The following AAK1 variants were observed in gnomAD, a reference collection of about 807,000 sequenced individuals.
AAK1 encodes the protein AP2 associated kinase 1.
A neutral mutation model predicts 116.0 loss-of-function variants in AAK1; 37 were observed. The ratio of observed to expected loss-of-function variants is 0.32; its 90% CI spans 0.25 to 0.42. The LOEUF (loss-of-function observed/expected upper bound fraction) is 0.42, where lower values mean the gene tolerates loss of function less well. Ranked by LOEUF, AAK1 falls within the 10% of genes least tolerant of loss-of-function variation. The pLI, the probability that AAK1 is intolerant of heterozygous loss-of-function variation, is 1.00. For missense variants in AAK1, 919 were observed against 1,170.6 expected (o/e 0.79, Z 3.14); for synonymous variants, 458 against 439.9 (o/e 1.04, Z -0.51).
intron 2 of AAK1, among the ~76,000 whole-genome samples, chr2:69,594,571 G>T (rs1395587208): frequency 6.6e-6 from 1 of 152,224 alleles, no homozygotes; most frequent in Non-Finnish European, 1.5e-5. Flanking sequence ...TGTGGCTACT[G>T]AAGAAATAGA....
Position 69,468,961 on chromosome 2 carries a change from T to C in AAK1, c.*6908A>G. The C allele has an allele frequency of 1.0e-6, 1 of 985,354 alleles. No individual in the cohort carries two copies. Among genetic ancestry groups the C allele is most frequent in the Non-Finnish European group, 1.2e-6 (1 of 829,912 alleles). The allele number at this position is 985,354 out of a possible 1,614,324, so 61.0% of individuals were successfully genotyped here. A position where few individuals can be genotyped will look rare whatever the true frequency, so the allele number is the denominator to read the frequency against. On this transcript the variant is annotated 3_prime_UTR_variant, in exon 22 of 22. Coordinates refer to ENST00000409085, the MANE Select transcript of AAK1 (RefSeq NM_014911.5). ...AATCAGACTTAAAATTCCAACAACT[T>C]TGAATAATTTACAAAAACAGTCACA...
At chr2:69,603,702 G>A (rs1673678207) in intron 2 of AAK1, among the ~76,000 whole-genome samples, 1 of 152,016 alleles carries the variant, frequency 6.6e-6, no homozygotes, top group Admixed American at 6.5e-5. Context: ...TAAAAGATGG[G>A]GAAATTAGAG....
In AAK1 at chr2:69,474,152, G is replaced by A; in HGVS notation, c.*1717C>T. On this transcript the variant is annotated 3_prime_UTR_variant, in exon 22 of 22. Transcript: ENST00000409085. ...AGGGTCAAACCTTGCCCTCCAGAATGCAGTGTTTTATAGGCTGTTGTTGCT... is the reference window on the plus strand; with the variant it reads ...AGGGTCAAACCTTGCCCTCCAGAATACAGTGTTTTATAGGCTGTTGTTGCT... The A allele has an allele frequency of 2.0e-6, 2 of 985,854 alleles. No homozygotes were observed. The highest frequency in any genetic ancestry group is 2.4e-6 in the Non-Finnish European group (2 of 829,934). The allele number at this position is 985,854 out of a possible 1,614,324, so 61.1% of individuals were successfully genotyped here. A position where few individuals can be genotyped will look rare whatever the true frequency, so the allele number is the denominator to read the frequency against.
intron 11 of AAK1, among the ~76,000 whole-genome samples, chr2:69,519,786 G>C (rs1300914357): frequency 3.9e-5 from 6 of 152,132 alleles, no homozygotes; most frequent in Admixed American, 1.3e-4. Flanking sequence ...AAAACATGAG[G>C]GGGTGTTAGA....
At chr2:69,620,116 A>G (rs1160409729) in intron 2 of AAK1, among the ~76,000 whole-genome samples, 2 of 152,202 alleles carry the variant, frequency 1.3e-5, no homozygotes, top group East Asian at 1.9e-4. Context: ...ATCCAGGCCA[A>G]TGACAGGCTG....
At chr2:69,506,328 C>T (rs1365078767) in intron 15 of AAK1, among the ~76,000 whole-genome samples, 3 of 152,124 alleles carry the variant, frequency 2.0e-5, no homozygotes, top group African/African-American at 7.2e-5. Context: ...AAGTTAAGTA[C>T]TATGCCCTAT....
chr2:69,471,849 T>G lies in AAK1; in HGVS notation c.*4020A>C. 1 of 985,424 alleles carries G rather than the reference T, an allele frequency of 1.0e-6. No individual in the cohort carries two copies. Among genetic ancestry groups the G allele is most frequent in the South Asian group, 4.7e-5 (1 of 21,290 alleles). 61.0% of individuals were successfully genotyped at this position (985,424 alleles called of 1,614,324 possible). ...GGGGAAGGTTATATTGGTTGATCAA[T>G]TATCTGTCAGGAGAGTAGGAAATAA... On this transcript the variant is annotated 3_prime_UTR_variant, in exon 22 of 22. Coordinates refer to ENST00000409085, the MANE Select transcript of AAK1 (RefSeq NM_014911.5).
chr2:69,512,036 G>A (rs910265820), intron 13 of AAK1, among the ~76,000 whole-genome samples: 2 of 152,130 alleles, frequency 1.3e-5, no homozygotes, highest in Non-Finnish European at 2.9e-5. Flanking sequence ...CTCATTCAAG[G>A]TCACAGGGTT....
In AAK1 at chr2:69,465,704, T is replaced by C; in HGVS notation, c.*10165A>G. 2.3e-6 allele frequency: 3 copies of C among 1,290,912 alleles called. No homozygotes were observed. The highest frequency in any genetic ancestry group is 2.0e-6 in the Non-Finnish European group (2 of 988,884). 80.0% of individuals were successfully genotyped at this position (1,290,912 alleles called of 1,614,324 possible). A position where few individuals can be genotyped will look rare whatever the true frequency, so the allele number is the denominator to read the frequency against. On this transcript the variant is annotated 3_prime_UTR_variant, in exon 22 of 22. Coordinates refer to ENST00000409085, the MANE Select transcript of AAK1 (RefSeq NM_014911.5). ...CAGCTTCTTTCTGGAGCTGAGGTCC[T>C]TTGTTTCTGTCATTAGAATGACCCC...
rs924018226 is a variant in AAK1 at position 69,475,358 on chromosome 2, G to A, written c.*511C>T. The stretch of plus-strand genomic sequence containing the variant: ...TCTTAAACCACACACCCATCTCCAG[G>A]CTACTGCCTAGAGTTAAGACCAACT... On this transcript the variant is annotated 3_prime_UTR_variant, in exon 22 of 22. Transcript: ENST00000409085. 2.3e-5 allele frequency: 23 copies of A among 986,876 alleles called. No individual in the cohort carries two copies. The highest frequency in any genetic ancestry group is 2.8e-5 in the Non-Finnish European group (23 of 830,864). 61.1% of individuals were successfully genotyped at this position (986,876 alleles called of 1,614,324 possible).
chr2:69,520,590 G>A (rs981778735), intron 11 of AAK1, among the ~76,000 whole-genome samples: 3 of 151,734 alleles, frequency 2.0e-5, no homozygotes, highest in Non-Finnish European at 2.9e-5. Context: ...TCTCGAAATC[G>A]AACTGACCTC....
intron 2 of AAK1, among the ~76,000 whole-genome samples, chr2:69,619,368 T>C (rs1476178912): frequency 1.3e-5 from 2 of 152,148 alleles, no homozygotes; most frequent in African/African-American, 2.4e-5. Context: ...TACAAACTTA[T>C]CTATATCCAT....
In AAK1 at chr2:69,467,649, G is replaced by C. The variant is rs1338645663; in HGVS notation, c.*8220C>G. ...CCATAGATGACCCAGAACCTCTGTA[G>C]AGATGGAACTCAATGATCCCCTTCC... On this transcript the variant is annotated 3_prime_UTR_variant, in exon 22 of 22. Coordinates refer to ENST00000409085, the MANE Select transcript of AAK1 (RefSeq NM_014911.5). 3.0e-6 allele frequency: 3 copies of C among 985,400 alleles called. No individual in the cohort carries two copies. Among genetic ancestry groups the C allele is most frequent in the Non-Finnish European group, 3.6e-6 (3 of 829,916 alleles). The allele number at this position is 985,400 out of a possible 1,614,324, so 61.0% of individuals were successfully genotyped here.
intron 3 of AAK1, among the ~76,000 whole-genome samples, chr2:69,549,969 T>G (rs1671107624): frequency 6.6e-6 from 1 of 152,236 alleles, no homozygotes; most frequent in Non-Finnish European, 1.5e-5. Context: ...AGTTATTTGT[T>G]AAATGTAAAA....
rs1303787929 is a variant in AAK1, at chr2:69,507,498, T to C, written c.2087A>G (p.Asn696Ser). The C allele has an allele frequency of 6.2e-7, 1 of 1,612,678 alleles. No homozygotes were observed. Among genetic ancestry groups the C allele is most frequent in the African/African-American group, 1.3e-5 (1 of 74,896 alleles). ...VYNPSEGSTW[N>S]PFDDDNFSKL... ...GGAGAAATTATCGTCATCAAAGGGATTCCACGTAGACCCTTCTGAAGGATT... is the reference window on the plus strand; with the variant it reads ...GGAGAAATTATCGTCATCAAAGGGACTCCACGTAGACCCTTCTGAAGGATT... Residue 696 changes from asparagine (N) to serine (S), a missense_variant, in exon 15 of 22, where the codon AAT (asparagine) becomes AGT (serine). By Grantham distance (46) the Asn-to-Ser change is conservative. This residue lies in a region of AAK1 where 125 missense variants were observed against 184.1 expected (regional missense o/e 0.68). Transcript: ENST00000409085.
Position 69,643,117 on chromosome 2 carries a change from G to C in AAK1, c.-77C>G. 1 of 1,237,848 alleles carries C rather than the reference G, an allele frequency of 8.1e-7. No homozygotes were observed. Among genetic ancestry groups the C allele is most frequent in the Non-Finnish European group, 1.1e-6 (1 of 945,952 alleles). 76.7% of individuals were successfully genotyped at this position (1,237,848 alleles called of 1,614,324 possible). A position where few individuals can be genotyped will look rare whatever the true frequency, so the allele number is the denominator to read the frequency against. ...TTTTTTTTTTTTTTTTTTAAGAAAA[G>C]AGATCCAAGGATTTCTTCTCAGATT... On this transcript the variant is annotated 5_prime_UTR_variant, in exon 2 of 22. Coordinates refer to ENST00000409085, the MANE Select transcript of AAK1 (RefSeq NM_014911.5).
chr2:69,517,449 C>T lies in AAK1; in HGVS notation c.1497+1505G>A, dbSNP rs537491673. Among the ~76,000 whole-genome samples, 23 of 152,052 alleles carry T rather than the reference C, an allele frequency of 1.5e-4. No homozygotes were observed. The South Asian group carries it at 3.5e-3, about 23-fold the overall frequency. ...TCAGACAGACAACACCTCAATACAC[C>T]GATTGATCTTTTTTTCTTCCTTTTT... is the stretch of plus-strand genomic sequence containing the variant. On this transcript the variant is annotated intron_variant, in intron 12 of 21. Coordinates refer to ENST00000409085, the MANE Select transcript of AAK1 (RefSeq NM_014911.5).
intron 2 of AAK1, among the ~76,000 whole-genome samples, chr2:69,631,887 G>A (rs887003988): frequency 2.0e-5 from 3 of 152,156 alleles, no homozygotes; most frequent in African/African-American, 4.8e-5. Flanking sequence ...GGCTGAGGTG[G>A]AAGGATCGCT....
chr2:69,620,041 T>C (rs1674526407), intron 2 of AAK1, among the ~76,000 whole-genome samples: 1 of 152,192 alleles, frequency 6.6e-6, no homozygotes, highest in Non-Finnish European at 1.5e-5. Flanking sequence ...CTCTGGCTAC[T>C]GTGCTGAGTA....
Sources: gnomAD v4.1 joint callset for allele counts (sites outside exome capture counted in the v4.1 genomes callset) on GRCh38, gnomAD v4.1.1 for gene constraint, gnomAD v4.1.1 regional missense constraint, MANE v1.5 for transcripts, NCBI Gene and HGNC (gene_info 2026-07-23, HGNC 2026-07-21) for gene names.